The following PIP5K1C variants were observed in gnomAD, a reference collection of about 807,000 sequenced individuals.
The protein encoded by PIP5K1C is phosphatidylinositol-4-phosphate 5-kinase type 1 gamma.
In PIP5K1C, 45 loss-of-function variants were observed where a neutral mutation model predicts 80.1. That is an observed-to-expected ratio of 0.56 (90% CI 0.44 to 0.72). The LOEUF is 0.72. Among genes scored for constraint, PIP5K1C ranks in the 30% least tolerant of loss-of-function variants. The pLI is 0.00. For synonymous variants in PIP5K1C, 498 were observed against 420.1 expected (o/e 1.19, Z -2.27); for missense variants, 753 against 954.6 (o/e 0.79, Z 2.78).
chr19:3,695,062 G>C (rs542227666), intron 1 of PIP5K1C, among the ~76,000 whole-genome samples: 2 of 152,234 alleles, frequency 1.3e-5, no homozygotes, highest in South Asian at 4.1e-4. Flanking sequence ...GACAAGAAGC[G>C]GCATGGACAG....
In PIP5K1C at chr19:3,653,421, T is replaced by C; in HGVS notation, c.790A>G (p.Ser264Gly). ...LKGSTYKRRA[S>G]KKEKEKSFPT... ...AAGCTCTTCTCCTTCTCCTTCTTGC[T>C]GGCGCGCCGCTTGTAGGTGGAGCCC... Residue 264 changes from serine to glycine, a missense_variant, in exon 7 of 18, where the codon AGC becomes GGC. Transcript: ENST00000335312. 6.2e-7 allele frequency: 1 copy of C among 1,613,480 alleles called. No homozygotes were observed. The highest frequency in any genetic ancestry group is 1.1e-5 in the South Asian group (1 of 91,088).
In PIP5K1C at chr19:3,692,411, C is replaced by T. The variant is rs1453583261; in HGVS notation, c.94+7886G>A. On this transcript the variant is annotated intron_variant, in intron 1 of 17. Coordinates refer to ENST00000335312, the MANE Select transcript of PIP5K1C (RefSeq NM_012398.3). This position sits in a 1 kb window ranked among gnomAD's most constrained non-coding sequence, Gnocchi z 5.2. The stretch of plus-strand genomic sequence containing the variant: ...TGGGCCCCGGCGGCCCCCATGCTGC[C>T]CTTCCTGCATCCATCTTGGCTGAGG... Among the ~76,000 whole-genome samples the T allele has an allele frequency of 6.6e-6, 1 of 152,206 alleles. No homozygotes were observed. The highest frequency in any genetic ancestry group is 6.5e-5 in the Admixed American group (1 of 15,286).
intron 3 of PIP5K1C, among the ~76,000 whole-genome samples, chr19:3,664,483 T>C (rs2145496609): frequency 6.6e-6 from 1 of 152,190 alleles, no homozygotes; most frequent in Non-Finnish European, 1.5e-5. Context: ...GAGTGTCCCA[T>C]CCACTGCCCG....
Position 3,700,354 on chromosome 19 carries a change from C to T in PIP5K1C, c.37G>A (p.Glu13Lys). ...LEVPDEAESAEAGAVPSEAAW... is the reference protein window; with the variant it reads ...LEVPDEAESAKAGAVPSEAAW... ...GCCTCCGAGGGCACGGCCCCCGCCT[C>T]AGCGCTCTCCGCCTCGTCCGGTACC... Residue 13 changes from glutamate (E) to lysine (K), a missense_variant, in exon 1 of 18, where the codon GAG (glutamate) becomes AAG (lysine). Around this residue, in one of 6 missense-constraint regions of PIP5K1C, gnomAD observed 78 missense variants for 67.1 expected, o/e 1.16. Coordinates refer to ENST00000335312, the MANE Select transcript of PIP5K1C (RefSeq NM_012398.3). 2 of 1,288,166 alleles carry T rather than the reference C, an allele frequency of 1.6e-6. No individual in the cohort carries two copies. The highest frequency in any genetic ancestry group is 3.1e-5 in the African/African-American group (2 of 63,622). 79.8% of individuals were successfully genotyped at this position (1,288,166 alleles called of 1,614,324 possible). A position where few individuals can be genotyped will look rare whatever the true frequency, so the allele number is the denominator to read the frequency against.
chr19:3,638,895 C>A lies in PIP5K1C; in HGVS notation c.1909G>T (p.Asp637Tyr). The A allele has an allele frequency of 6.2e-7, 1 of 1,612,902 alleles. No individual in the cohort carries two copies. Among genetic ancestry groups the A allele is most frequent in the Non-Finnish European group, 8.5e-7 (1 of 1,179,924 alleles). ...ASDEEDAPATDIYFPTDERSW... is the reference protein window; with the variant it reads ...ASDEEDAPATYIYFPTDERSW... ...CCCGGGGCACTTACAAAGTAGATGT[C>A]GGTGGCGGGCGCGTCCTCCTCGTCC... is the stretch of plus-strand genomic sequence containing the variant. Residue 637 changes from aspartate (D) to tyrosine (Y), a missense_variant, in exon 16 of 18, where the codon GAC becomes TAC. By Grantham distance (160) the Asp-to-Tyr change is radical. Coordinates refer to ENST00000335312, the MANE Select transcript of PIP5K1C (RefSeq NM_012398.3).
chr19:3,695,526 A>G (rs969734735), intron 1 of PIP5K1C, among the ~76,000 whole-genome samples: 4 of 152,140 alleles, frequency 2.6e-5, no homozygotes, highest in African/African-American at 7.2e-5. Context: ...CTGGCATGCA[A>G]TGGCGCTGGG....
chr19:3,665,074 C>T (rs1253886109), intron 2 of PIP5K1C, among the ~76,000 whole-genome samples, 160 bp from the exon 3 acceptor site: 1 of 152,194 alleles, frequency 6.6e-6, no homozygotes, highest in Non-Finnish European at 1.5e-5. Context: ...AGCAGGAGGC[C>T]CCTCACCCGT....
At chr19:3,678,172 AG>A in intron 1 of PIP5K1C, among the ~76,000 whole-genome samples, 1 of 113,906 alleles carries the variant, frequency 8.8e-6, no homozygotes, top group African/African-American at 3.4e-5. Flanking sequence ...GGAGAGATGG[AG>A]GGATGGAGGA....
chr19:3,686,811 T>C (rs1389720307), intron 1 of PIP5K1C, among the ~76,000 whole-genome samples: 1 of 152,116 alleles, frequency 6.6e-6, no homozygotes, highest in African/African-American at 2.4e-5. Context: ...ATAAAACTAC[T>C]TAAGAAAATG....
chr19:3,670,174 G>A (rs891224202), intron 1 of PIP5K1C, among the ~76,000 whole-genome samples: 3 of 152,242 alleles, frequency 2.0e-5, no homozygotes, highest in Non-Finnish European at 2.9e-5. Context: ...AGACGCTGGT[G>A]GGCCCCTGCA....
intron 2 of PIP5K1C, among the ~76,000 whole-genome samples, chr19:3,665,234 T>C (rs112325437): frequency 8.5e-4 from 130 of 152,290 alleles, no homozygotes; most frequent in African/African-American, 3.1e-3. Flanking sequence ...CCCCAGGTGC[T>C]GTGGACACTG....
At chr19:3,678,854 A>C (rs553279346) in intron 1 of PIP5K1C, among the ~76,000 whole-genome samples, 1 of 116,080 alleles carries the variant, frequency 8.6e-6, no homozygotes. Flanking sequence ...GGAGGGATGG[A>C]GGGATGGCGG....
At chr19:3,662,604 C>T (rs944762177) in intron 3 of PIP5K1C, among the ~76,000 whole-genome samples, 4 of 151,950 alleles carry the variant, frequency 2.6e-5, no homozygotes, top group African/African-American at 7.2e-5. Flanking sequence ...CTTGCTCTGT[C>T]GCCCAGGCTG....
Position 3,632,512 on chromosome 19 carries a change from A to G in PIP5K1C, c.*655T>C, listed in dbSNP as rs934006364. The G allele has an allele frequency of 6.6e-6, 1 of 152,296 alleles. No individual in the cohort carries two copies. The highest frequency in any genetic ancestry group is 1.5e-5 in the Non-Finnish European group (1 of 68,122). The allele number at this position is 152,296 out of a possible 1,614,324, so 9.4% of individuals were successfully genotyped here. A position where few individuals can be genotyped will look rare whatever the true frequency, so the allele number is the denominator to read the frequency against. ...GGTTTTTGCTCGAGGGGCACCTGGG[A>G]GGTGGGCGTCAGGGCCCCACTGCGG... On this transcript the variant is annotated 3_prime_UTR_variant, in exon 18 of 18. Coordinates refer to ENST00000335312, the MANE Select transcript of PIP5K1C (RefSeq NM_012398.3).
At chr19:3,685,526 C>G (rs923749121) in intron 1 of PIP5K1C, among the ~76,000 whole-genome samples, 8 of 152,092 alleles carry the variant, frequency 5.3e-5, no homozygotes, top group Non-Finnish European at 7.4e-5. Context: ...GTCAGGAGAT[C>G]GAGACCATCC....
Position 3,683,688 on chromosome 19 carries a change from C to A in PIP5K1C, c.95-16335G>T, listed in dbSNP as rs185202551. ...TGTCAGGCCCCAGTCTGCGTCACCA[C>A]AGCAGGGACGGGAGGAGAGTGAGGA... On this transcript the variant is annotated intron_variant, in intron 1 of 17. Coordinates refer to ENST00000335312, the MANE Select transcript of PIP5K1C (RefSeq NM_012398.3). Among the ~76,000 whole-genome samples the A allele has an allele frequency of 2.6e-5, 4 of 152,310 alleles. No homozygotes were observed. The East Asian group carries it at 7.7e-4, about 29-fold the overall frequency.
At chr19:3,664,971 G>A (rs2034962472) in intron 2 of PIP5K1C, 57 bp from the exon 3 acceptor site, 1 of 1,359,676 alleles carries the variant, frequency 7.4e-7, no homozygotes, top group African/African-American at 1.4e-5. Flanking sequence ...ACCGGGACAG[G>A]GCACGCTCTG....
At position 3,660,358 on chromosome 19, in the gene PIP5K1C, C is replaced by T. The variant is rs1178332241; in HGVS notation, c.468+608G>A. Among the ~76,000 whole-genome samples the T allele has an allele frequency of 6.0e-5, 9 of 150,730 alleles. No homozygotes were observed. The South Asian group carries it at 6.3e-4, about 11-fold the overall frequency. ...TCGCACCACTGCACTCCAGCCTGGG[C>T]GACAGAGCGAGACTCTGTCTCGAAA... On this transcript the variant is annotated intron_variant, in intron 5 of 17. Transcript: ENST00000335312.
intron 1 of PIP5K1C, among the ~76,000 whole-genome samples, chr19:3,670,156 C>T (rs1023652301): frequency 2.6e-5 from 4 of 151,962 alleles, no homozygotes; most frequent in East Asian, 1.9e-4. Flanking sequence ...GGGAGGGGGC[C>T]GCATTCGAGA....
Sources: gnomAD v4.1 joint callset for allele counts (sites outside exome capture counted in the v4.1 genomes callset) on GRCh38, gnomAD v4.1.1 for gene constraint, gnomAD v4.1.1 regional missense constraint, Gnocchi (gnomAD v3.1) non-coding constraint, MANE v1.5 for transcripts, NCBI Gene and HGNC (gene_info 2026-07-23, HGNC 2026-07-21) for gene names.